The following UBXN8 variants were observed in gnomAD, a reference collection of about 807,000 sequenced individuals.
UBXN8 encodes UBX domain-containing protein 8.
Under a neutral mutation model 32.1 loss-of-function variants are expected in UBXN8, and 27 were observed. The observed-to-expected ratio is 0.84, with a 90% CI of 0.62 to 1.16. The LOEUF (loss-of-function observed/expected upper bound fraction) is 1.16, where lower values mean the gene tolerates loss of function less well. Among genes scored for constraint, UBXN8 ranks in the 50% most tolerant of loss-of-function variants. The pLI, the probability that UBXN8 is intolerant of heterozygous loss-of-function variation, is 0.00. For synonymous variants in UBXN8, 109 were observed against 111.8 expected (o/e 0.98, Z 0.16); for missense variants, 306 against 311.4 (o/e 0.98, Z 0.13).
intron 1 of UBXN8, 81 bp downstream of exon 1, chr8:30,744,358 C>T: frequency 1.4e-6 from 2 of 1,405,932 alleles, no homozygotes; most frequent in Non-Finnish European, 2.0e-6. Flanking sequence ...GCCTCTTCGG[C>T]TGCGTGGCTT....
intron 1 of UBXN8, chr8:30,744,576 G>A (rs1805312644): frequency 6.2e-6 from 3 of 481,050 alleles, no homozygotes; most frequent in Non-Finnish European, 1.1e-5. Context: ...ATAAGATGAA[G>A]GTCTTGTGAG....
intron 1 of UBXN8, among the ~76,000 whole-genome samples, chr8:30,750,499 A>G (rs1014328409): frequency 6.6e-6 from 1 of 151,886 alleles, no homozygotes; most frequent in Admixed American, 6.6e-5. Flanking sequence ...TCGGCCGGGC[A>G]CGGTGGCTCA....
intron 5 of UBXN8, among the ~76,000 whole-genome samples, chr8:30,758,894 GTTTTTTT>G (rs1176699545): frequency 1.2e-4 from 15 of 121,994 alleles, no homozygotes; most frequent in African/African-American, 4.7e-4. Flanking sequence ...TGTTTTTTTT[GTTTTTTT>G]TTTTTTTTTT....
chr8:30,737,596 G>A (rs1805097569), intron 1 of UBXN8, among the ~76,000 whole-genome samples: 1 of 152,146 alleles, frequency 6.6e-6, no homozygotes, highest in Non-Finnish European at 1.5e-5. Flanking sequence ...TGTGATTTTG[G>A]TGCCTAGTCT....
At chr8:30,761,300 A>C (rs1210192888) in intron 6 of UBXN8, among the ~76,000 whole-genome samples, 6 of 151,682 alleles carry the variant, frequency 4.0e-5, no homozygotes, top group Admixed American at 2.6e-4. Flanking sequence ...GCTAGAGTGC[A>C]ATGGCATGAT....
At chr8:30,758,904 T>G (rs1805748045) in intron 5 of UBXN8, among the ~76,000 whole-genome samples, 1 of 145,096 alleles carries the variant, frequency 6.9e-6, no homozygotes, top group Non-Finnish European at 1.5e-5. Context: ...GTTTTTTTTT[T>G]TTTTTTTGAG....
intron 4 of UBXN8, among the ~76,000 whole-genome samples, chr8:30,755,760 G>GAAAAAAAAAAAAAAAAAAAAAAAAAAA (rs34287599): frequency 1.1e-5 from 1 of 88,920 alleles, no homozygotes. Context: ...CCTTTCTCCA[G>GAAAAAAAAAAAAAAAAAAAAAAAAAAA]AAAAAAAAAA....
At chr8:30,759,814 G>T (rs945539934) in intron 5 of UBXN8, among the ~76,000 whole-genome samples, 4 of 151,054 alleles carry the variant, frequency 2.6e-5, no homozygotes, top group Non-Finnish European at 5.9e-5. Flanking sequence ...AAAATTAGCG[G>T]GGCATGGTGG....
At chr8:30,738,684 G>A (rs1348097247) in intron 1 of UBXN8, among the ~76,000 whole-genome samples, 10 of 150,250 alleles carry the variant, frequency 6.7e-5, no homozygotes, top group Non-Finnish European at 1.0e-4. Flanking sequence ...AGCTAGGCAC[G>A]GTGGCTCACA....
chr8:30,732,783 G>A (rs367681406), exon 1 of UBXN8: 2 of 152,280 alleles, frequency 1.3e-5, no homozygotes, highest in South Asian at 2.1e-4. Context: ...ACAACTAGAC[G>A]GGGTTTTTAA....
intron 5 of UBXN8, among the ~76,000 whole-genome samples, chr8:30,760,250 G>A (rs1805794182): frequency 6.8e-6 from 1 of 147,736 alleles, no homozygotes; most frequent in South Asian, 2.1e-4. Context: ...TTGTAGAGAC[G>A]GGGTTTCACC....
chr8:30,744,101 G>A, upstream of UBXN8: 1 of 1,281,240 alleles, frequency 7.8e-7, no homozygotes, highest in African/African-American at 1.5e-5. Flanking sequence ...TCTCCCAGCC[G>A]GCCCGCGGCA....
intron 1 of UBXN8, among the ~76,000 whole-genome samples, chr8:30,750,495 G>A (rs895987828): frequency 1.3e-5 from 2 of 150,406 alleles, no homozygotes; most frequent in African/African-American, 4.9e-5. Context: ...CCTGTCGGCC[G>A]GGCACGGTGG....
chr8:30,729,790 G>A (rs570203676), upstream of UBXN8, among the ~76,000 whole-genome samples: 9 of 152,254 alleles, frequency 5.9e-5, no homozygotes, highest in African/African-American at 2.2e-4. Context: ...TCAGAAGGAA[G>A]CCTGGACAGG....
chr8:30,753,637 G>A (rs953977174), intron 3 of UBXN8, among the ~76,000 whole-genome samples: 4 of 151,996 alleles, frequency 2.6e-5, no homozygotes, highest in African/African-American at 7.2e-5. Flanking sequence ...CTTCTGTAAA[G>A]AAAACCGTAT....
chr8:30,759,392 G>A (rs570375514), intron 5 of UBXN8, among the ~76,000 whole-genome samples: 2 of 151,298 alleles, frequency 1.3e-5, no homozygotes, highest in Admixed American at 6.6e-5. Flanking sequence ...GCGCCACCAC[G>A]CCTAGCTCAT....
chr8:30,766,274 C>A lies in UBXN8; in HGVS notation c.693C>A (p.Tyr231Ter), dbSNP rs751044137. The A allele has an allele frequency of 1.2e-6, 2 of 1,613,776 alleles. No homozygotes were observed. Among genetic ancestry groups the A allele is most frequent in the South Asian group, 2.2e-5 (2 of 91,052 alleles). ...MTRIGYHISL[Y>*]SLSTSFPRRP... is the part of the protein sequence containing the mutation. The stretch of plus-strand genomic sequence containing the variant: ...GAATTGGGTACCACATATCTCTATA[C>A]AGCCTTTCTACTTCCTTTCCCAGAC... Residue 231 changes from tyrosine to a stop codon, truncating the protein, a stop_gained, in exon 8 of 8, where the codon TAC (tyrosine) becomes TAA (stop). Coordinates refer to ENST00000265616, the MANE Select transcript of UBXN8 (RefSeq NM_005671.4). LOFTEE classifies it high-confidence loss of function.
At chr8:30,743,148 T>C (rs1442466554), upstream of UBXN8, among the ~76,000 whole-genome samples, 1 of 111,148 alleles carries the variant, frequency 9.0e-6, no homozygotes, top group Non-Finnish European at 1.7e-5. Context: ...GAAATATAAT[T>C]TCTTTCTTTC....
intron 1 of UBXN8, among the ~76,000 whole-genome samples, chr8:30,749,644 C>T (rs1702708305): frequency 1.4e-5 from 2 of 147,722 alleles, no homozygotes; most frequent in East Asian, 2.0e-4. Flanking sequence ...CTCTCTCTGT[C>T]GCCCAGGCTG....
Sources: gnomAD v4.1 joint callset for allele counts (sites outside exome capture counted in the v4.1 genomes callset) on GRCh38, gnomAD v4.1.1 for gene constraint, MANE v1.5 for transcripts, NCBI Gene and HGNC (gene_info 2026-07-23, HGNC 2026-07-21) for gene names.